FBLN2: variants seen among roughly 807,000 people sequenced by gnomAD.
The protein encoded by FBLN2 is fibulin 2.
FBLN2 carries 81 observed loss-of-function variants against 123.7 expected under a neutral mutation model. The observed-to-expected ratio is 0.65, with a 90% CI of 0.55 to 0.79. The LOEUF is 0.79. Among genes scored for constraint, FBLN2 ranks in the 30% least tolerant of loss-of-function variants. The pLI is 0.00. For synonymous variants in FBLN2, 699 were observed against 701.4 expected, an observed-to-expected ratio of 1.00 and a Z score of 0.05; for missense variants, 1,603 against 1,681.3, an observed-to-expected ratio of 0.95 and a Z score of 0.81.
chr3:13,554,510 G>A (rs1205466568), intron 1 of FBLN2, among the ~76,000 whole-genome samples: 1 of 151,646 alleles, frequency 6.6e-6, no homozygotes, highest in Non-Finnish European at 1.5e-5. Flanking sequence ...GCATGCGCGT[G>A]CCCACACACA....
chr3:13,598,390 T>C (rs1704916338), intron 2 of FBLN2, among the ~76,000 whole-genome samples: 1 of 152,184 alleles, frequency 6.6e-6, no homozygotes, highest in African/African-American at 2.4e-5. Context: ...CAGTGAGTGG[T>C]AGCCCAACCA....
chr3:13,605,505 G>A (rs1044378170), intron 2 of FBLN2, among the ~76,000 whole-genome samples: 1 of 152,116 alleles, frequency 6.6e-6, no homozygotes, highest in Admixed American at 6.5e-5. Flanking sequence ...TCTGTGTGTT[G>A]GTGTGTCCAG....
At chr3:13,597,278 T>G (rs1248506378) in intron 2 of FBLN2, among the ~76,000 whole-genome samples, 1 of 152,204 alleles carries the variant, frequency 6.6e-6, no homozygotes, top group African/African-American at 2.4e-5. Flanking sequence ...CTTAGAGTTT[T>G]CTGATCATAC....
rs115223636 is a variant in FBLN2, at chr3:13,569,251, C to T, written c.-41-1064C>T. On this transcript the variant is annotated intron_variant, in intron 1 of 17. Transcript: ENST00000404922. The stretch of plus-strand genomic sequence containing the variant: ...CAGGCCTAAGGGCCTGTGGGAGGGT[C>T]GGGTTGGGATGGCTCCTGCAGGGCC... Among the ~76,000 whole-genome samples the T allele has an allele frequency of 8.9e-3, 1,324 of 148,960 alleles. 20 individuals carry two copies. The highest frequency in any genetic ancestry group is 0.031 in the African/African-American group (1,257 of 41,042).
rs550170930 is a variant in FBLN2 at position 13,570,758 on chromosome 3, G to A, written c.403G>A (p.Gly135Ser). The change falls in exon 2 of 18, where the codon GGC (glycine) becomes AGC (serine). Residue 135 changes from glycine (G) to serine (S), a missense_variant. By Grantham distance (56) the Gly-to-Ser change is moderately conservative (BLOSUM62 0). Coordinates refer to ENST00000404922, the MANE Select transcript of FBLN2 (RefSeq NM_001004019.2). ...GGTGGCTGACAGCTGCCCACAGTGC[G>A]GCCAGGTGGGCTGCGTCCACGCGGG... ...VVVADSCPQC[G>S]QVGCVHAGHK... 24 of 1,601,386 alleles carry A rather than the reference G, an allele frequency of 1.5e-5. No individual in the cohort carries two copies. The highest frequency in any genetic ancestry group is 6.7e-5 in the African/African-American group (5 of 74,838).
At chr3:13,562,060 TC>T (rs1703623425) in intron 1 of FBLN2, among the ~76,000 whole-genome samples, 1 of 152,192 alleles carries the variant, frequency 6.6e-6, no homozygotes, top group Admixed American at 6.5e-5. Flanking sequence ...ACAGCTAAAA[TC>T]CCTACTTGAT....
chr3:13,555,624 T>G (rs1353719663), intron 1 of FBLN2, among the ~76,000 whole-genome samples: 1 of 151,990 alleles, frequency 6.6e-6, no homozygotes. Context: ...CTGGCTAATT[T>G]TTTGTATTTT....
intron 2 of FBLN2, among the ~76,000 whole-genome samples, chr3:13,588,469 C>T (rs1334380376): frequency 1.3e-5 from 2 of 152,206 alleles, no homozygotes; most frequent in Non-Finnish European, 2.9e-5. Flanking sequence ...CTGGAAGGGC[C>T]CCAGCCTGGC....
chr3:13,609,986 G>A (rs1353177917), intron 4 of FBLN2, among the ~76,000 whole-genome samples: 13 of 152,200 alleles, frequency 8.5e-5, no homozygotes, highest in South Asian at 2.1e-4. Context: ...AGCACCTGGC[G>A]TGGTTGCAGG....
chr3:13,591,813 T>C (rs1292996966), intron 2 of FBLN2, among the ~76,000 whole-genome samples: 3 of 152,214 alleles, frequency 2.0e-5, no homozygotes, highest in African/African-American at 7.2e-5. Flanking sequence ...TGTTTTACCT[T>C]ACACATTTAG....
Position 13,638,122 on chromosome 3 carries a change from A to G in FBLN2, c.*203A>G, listed in dbSNP as rs1024963734. The G allele has an allele frequency of 1.1e-5, 7 of 662,378 alleles. No homozygotes were observed. In the African/African-American group the frequency reaches 1.3e-4, roughly 12 times the overall value. The allele number at this position is 662,378 out of a possible 1,614,324, so 41.0% of individuals were successfully genotyped here. A position where few individuals can be genotyped will look rare whatever the true frequency, so the allele number is the denominator to read the frequency against. ...GTGGTGCGTTCCCACGCAGGCACCA[A>G]GTGGAAGCTTGCACGGTGGGCCACG... On this transcript the variant is annotated 3_prime_UTR_variant, in exon 18 of 18. Coordinates refer to ENST00000404922, the MANE Select transcript of FBLN2 (RefSeq NM_001004019.2).
intron 2 of FBLN2, among the ~76,000 whole-genome samples, chr3:13,606,580 C>T (rs1235993032): frequency 2.6e-5 from 4 of 152,216 alleles, no homozygotes; most frequent in South Asian, 2.1e-4. Context: ...TAATAGCTGA[C>T]TGTTGACAGG....
chr3:13,619,207 TGTG>T (rs937317787), intron 7 of FBLN2, among the ~76,000 whole-genome samples, 190 bp downstream of exon 7: 15 of 152,144 alleles, frequency 9.9e-5, no homozygotes, highest in African/African-American at 3.6e-4. Context: ...ACTGGGGAGA[TGTG>T]GTGTGGGGAC....
At chr3:13,615,797 G>A (rs1705578520) in intron 5 of FBLN2, among the ~76,000 whole-genome samples, 1 of 152,220 alleles carries the variant, frequency 6.6e-6, no homozygotes, top group South Asian at 2.1e-4. Context: ...GCCAGGACTG[G>A]ACACCTTGGC....
chr3:13,614,155 C>G lies in FBLN2; in HGVS notation c.1720C>G (p.Pro574Ala). 1.2e-6 allele frequency: 2 copies of G among 1,611,462 alleles called. No individual in the cohort carries two copies. Among genetic ancestry groups the G allele is most frequent in the Non-Finnish European group, 1.7e-6 (2 of 1,179,780 alleles). Reference protein sequence around the residue: ...VRRPPEPAAAPRRVSEAEMAG... With the variant: ...VRRPPEPAAAARRVSEAEMAG... ...CCGACCTCCAGAGCCCGCAGCTGCA[C>G]CACGGAGAGGTGAGTGCTGCTCTTC... Residue 574 changes from proline to alanine, a missense_variant, in exon 5 of 18, where the codon CCA (proline) becomes GCA (alanine). Physicochemically the swap from Pro to Ala is conservative, Grantham distance 27 (BLOSUM62 -1). Transcript: ENST00000404922.
At chr3:13,618,495 G>A (rs1465188310) in intron 6 of FBLN2, among the ~76,000 whole-genome samples, 2 of 152,226 alleles carry the variant, frequency 1.3e-5, no homozygotes, top group Admixed American at 6.5e-5. Flanking sequence ...GCAGGGACCT[G>A]GCCCCAGCAC....
chr3:13,569,506 C>T (rs529760462), intron 1 of FBLN2, among the ~76,000 whole-genome samples: 12 of 148,156 alleles, frequency 8.1e-5, no homozygotes, highest in South Asian at 2.1e-4. Context: ...GGGTAGAGAC[C>T]GTGGGGAGGG....
At chr3:13,611,017 C>A (rs192876483) in intron 4 of FBLN2, among the ~76,000 whole-genome samples, 1 of 152,082 alleles carries the variant, frequency 6.6e-6, no homozygotes, top group African/African-American at 2.4e-5. Context: ...AGCAATTCTC[C>A]TGCCTCAGCC....
At chr3:13,633,158 G>A (rs952521521) in intron 16 of FBLN2, among the ~76,000 whole-genome samples, 22 of 152,250 alleles carry the variant, frequency 1.4e-4, no homozygotes, top group African/African-American at 4.8e-4. Context: ...ATGCCCACAT[G>A]TGCCTGGCTA....
Sources: gnomAD v4.1 joint callset for allele counts (sites outside exome capture counted in the v4.1 genomes callset) on GRCh38, gnomAD v4.1.1 for gene constraint, MANE v1.5 for transcripts, NCBI Gene and HGNC (gene_info 2026-07-23, HGNC 2026-07-21) for gene names.